Variants in NRG1 observed in about 807,000 individuals in gnomAD.
The protein encoded by NRG1 is pro-neuregulin-1, membrane-bound isoform.
In NRG1, 18 loss-of-function variants were observed where a neutral mutation model predicts 63.8. The observed-to-expected ratio is 0.28, with a 90% CI of 0.19 to 0.42. The LOEUF (loss-of-function observed/expected upper bound fraction) is 0.42, where lower values mean the gene tolerates loss of function less well. Ranked by LOEUF, NRG1 falls within the 10% of genes least tolerant of loss-of-function variation. The pLI is 1.00. For missense variants in NRG1, 762 were observed against 814.7 expected (o/e 0.94, Z 0.79); for synonymous variants, 302 against 301.3 (o/e 1.00, Z -0.02).
At chr8:31,671,279 T>A (rs11776861) in intron 1 of NRG1, among the ~76,000 whole-genome samples, 152,030 of 152,320 alleles carry the variant, frequency 1, 75,870 homozygotes, top group Middle Eastern at 1. Context: ...AAGTTCACTA[T>A]TCTATTCTGC....
intron 1 of NRG1, among the ~76,000 whole-genome samples, chr8:32,365,751 G>A (rs1225899892): frequency 6.6e-6 from 1 of 152,174 alleles, no homozygotes; most frequent in African/African-American, 2.4e-5. Context: ...GGTAAAGCTG[G>A]TGTAGACACA....
chr8:32,445,023 T>A (rs77280866), intron 1 of NRG1, among the ~76,000 whole-genome samples: 2 of 152,316 alleles, frequency 1.3e-5, no homozygotes, highest in Non-Finnish European at 2.9e-5. Context: ...CATTATGGGA[T>A]GTTTTGCAAA....
chr8:32,724,355 C>T (rs1279128838), intron 5 of NRG1, among the ~76,000 whole-genome samples: 1 of 152,100 alleles, frequency 6.6e-6, no homozygotes, highest in Non-Finnish European at 1.5e-5. Context: ...TATATTGAAA[C>T]ATATTTTATC....
chr8:31,692,237 A>G (rs778294098), intron 1 of NRG1, among the ~76,000 whole-genome samples: 22 of 152,236 alleles, frequency 1.4e-4, no homozygotes, highest in Non-Finnish European at 2.6e-4. Context: ...GAGTCATAGA[A>G]GAATTTCTAA....
At chr8:32,080,722 A>T (rs1827317294) in intron 1 of NRG1, among the ~76,000 whole-genome samples, 1 of 151,288 alleles carries the variant, frequency 6.6e-6, no homozygotes, top group African/African-American at 2.4e-5. Flanking sequence ...AGGGAATATT[A>T]GTCAGGGTTC....
chr8:32,040,819 A>G (rs946091823), intron 1 of NRG1, among the ~76,000 whole-genome samples: 1 of 134,682 alleles, frequency 7.4e-6, no homozygotes, highest in Non-Finnish European at 1.6e-5. Context: ...AAGTACCAAG[A>G]TATTTTTTTC....
At chr8:32,231,128 G>A (rs939742876) in intron 1 of NRG1, among the ~76,000 whole-genome samples, 2 of 151,538 alleles carry the variant, frequency 1.3e-5, no homozygotes, top group Non-Finnish European at 2.9e-5. Context: ...AAGAAGCAAA[G>A]GAAAGGAAAG....
At position 32,606,986 on chromosome 8, in the gene NRG1, C is replaced by T. The variant is rs148880126; in HGVS notation, c.400+1303C>T. ...TTAATGCCTCATCCTCTCTGGACTT[C>T]TCAAGGATCTGCTCCATCACAGAGT... On this transcript the variant is annotated intron_variant, in intron 3 of 11. Coordinates refer to ENST00000356819, the Ensembl canonical transcript of NRG1. Among the ~76,000 whole-genome samples the T allele has an allele frequency of 6.1e-3, 934 of 152,200 alleles. 19 individuals carry two copies. The highest frequency in any genetic ancestry group is 9.8e-3 in the Non-Finnish European group (664 of 67,988).
At chr8:31,669,829 T>G (rs887477073) in intron 1 of NRG1, among the ~76,000 whole-genome samples, 1 of 152,130 alleles carries the variant, frequency 6.6e-6, no homozygotes, top group Admixed American at 6.5e-5. Flanking sequence ...TTGGGGACAT[T>G]GAATAAAGCA....
rs148797477 is a variant in NRG1, at chr8:31,807,717, G to A, written c.37+168286G>A. Among the ~76,000 whole-genome samples the A allele has an allele frequency of 3.9e-3, 587 of 152,188 alleles. 1 individual carries two copies. Among genetic ancestry groups the A allele is most frequent in the Middle Eastern group, 0.021 (6 of 292 alleles). On this transcript the variant is annotated intron_variant, in intron 1 of 10. Coordinates refer to the NRG1 transcript ENST00000519301. ...CTTTCTTAACTGTAATTTTGTGCCCGTTGTTTAGTAACTCTAAATTTTCCT... is the reference window on the plus strand; with the variant it reads ...CTTTCTTAACTGTAATTTTGTGCCCATTGTTTAGTAACTCTAAATTTTCCT...
At chr8:32,436,488 A>G (rs1204820492) in intron 1 of NRG1, among the ~76,000 whole-genome samples, 2 of 152,214 alleles carry the variant, frequency 1.3e-5, no homozygotes, top group Non-Finnish European at 1.5e-5. Flanking sequence ...ATAGTTATCC[A>G]GTAACCTTTT....
intron 1 of NRG1, among the ~76,000 whole-genome samples, chr8:32,361,578 G>A (rs1467791825): frequency 6.6e-6 from 1 of 151,894 alleles, no homozygotes; most frequent in Non-Finnish European, 1.5e-5. Context: ...TCCAAAATTG[G>A]TTGTCCCTCT....
At chr8:32,281,896 C>T (rs1852902819) in intron 1 of NRG1, among the ~76,000 whole-genome samples, 1 of 152,106 alleles carries the variant, frequency 6.6e-6, no homozygotes, top group African/African-American at 2.4e-5. Context: ...AAGAGGAGTA[C>T]ATATAAACAC....
chr8:32,645,892 G>GA (rs1312369952), intron 5 of NRG1, among the ~76,000 whole-genome samples: 4 of 152,068 alleles, frequency 2.6e-5, no homozygotes, highest in Non-Finnish European at 5.9e-5. Flanking sequence ...TGTTTTAAAA[G>GA]AAAAAAACAG....
chr8:32,669,181 G>T (rs1804985806), intron 5 of NRG1, among the ~76,000 whole-genome samples: 1 of 152,086 alleles, frequency 6.6e-6, no homozygotes, highest in Non-Finnish European at 1.5e-5. Flanking sequence ...GATGAGCATG[G>T]GATTGATAAG....
At chr8:32,290,589 C>T (rs1290086779) in intron 1 of NRG1, among the ~76,000 whole-genome samples, 1 of 152,072 alleles carries the variant, frequency 6.6e-6, no homozygotes, top group African/African-American at 2.4e-5. Context: ...CTAACTGTGC[C>T]CTGTTACAGT....
At chr8:32,159,676 T>A (rs1354775854) in intron 1 of NRG1, among the ~76,000 whole-genome samples, 7 of 152,138 alleles carry the variant, frequency 4.6e-5, no homozygotes, top group African/African-American at 7.2e-5. Context: ...GTGGTAATTA[T>A]AATAAGTGAA....
chr8:31,813,516 C>CTTTTCTTTTTTTTTTTTTTTTTTTTTT, intron 1 of NRG1, among the ~76,000 whole-genome samples: 4 of 101,214 alleles, frequency 4.0e-5, no homozygotes, highest in African/African-American at 7.3e-5. Context: ...CTTTTCTTTT[C>CTTTTCTTTTTTTTTTTTTTTTTTTTTT]TTTTTTTTTT....
At position 32,748,358 on chromosome 8, in the gene NRG1, C is replaced by CACAGAGAGAGAGAGAGAGAG. The variant is rs748763782; in HGVS notation, c.691+5626_691+5627insCAGAGAGAGAGAGAGAGAGA. On this transcript the variant is annotated intron_variant, in intron 7 of 11. Transcript: ENST00000356819. ...GCGCGCGCACACACACACACACACA[C>CACAGAGAGAGAGAGAGAGAG]AGAGAGAGAGAGAGAGAGAGAGAGA... is the stretch of plus-strand genomic sequence containing the variant. 1.7e-3 allele frequency among the ~76,000 whole-genome samples: 207 copies of CACAGAGAGAGAGAGAGAGAG among 121,982 alleles called. 2 individuals carry two copies. Among genetic ancestry groups the CACAGAGAGAGAGAGAGAGAG allele is most frequent in the Admixed American group, 2.5e-3 (29 of 11,564 alleles). The allele number at this position is 121,982 out of a possible 152,430, so 80.0% of individuals were successfully genotyped here.
Sources: allele counts gnomAD v4.1 joint callset (sites outside exome capture counted in the v4.1 genomes callset), GRCh38; gene constraint gnomAD v4.1.1; transcripts MANE v1.5; gene names NCBI Gene and HGNC (gene_info 2026-07-23, HGNC 2026-07-21).